The following KCNMA1 variants were observed in gnomAD, a reference collection of about 807,000 sequenced individuals.
KCNMA1 encodes Calcium-activated potassium channel subunit alpha-1.
A neutral mutation model predicts 140.0 loss-of-function variants in KCNMA1; 29 were observed. That is an observed-to-expected ratio of 0.21 (90% CI 0.15 to 0.28). The LOEUF is 0.28. Among genes scored for constraint, KCNMA1 ranks in the 10% least tolerant of loss-of-function variants. The pLI, the probability that KCNMA1 is intolerant of heterozygous loss-of-function variation, is 1.00. For synonymous variants in KCNMA1, 612 were observed against 611.9 expected (o/e 1.00, Z 0.00); for missense variants, 880 against 1,602.2 (o/e 0.55, Z 7.70).
At chr10:77,431,865 C>T (rs1052139575) in intron 1 of KCNMA1, among the ~76,000 whole-genome samples, 1 of 152,014 alleles carries the variant, frequency 6.6e-6, no homozygotes, top group Non-Finnish European at 1.5e-5. Context: ...TGGTGGTGCA[C>T]ACCTGTAGTC....
intron 2 of KCNMA1, among the ~76,000 whole-genome samples, chr10:77,299,085 G>C (rs1262225488): frequency 6.6e-6 from 1 of 152,142 alleles, no homozygotes; most frequent in Non-Finnish European, 1.5e-5. Flanking sequence ...GTGAGCTAGG[G>C]GGCTTTCTTA....
chr10:77,535,159 C>A (rs2058609385), intron 1 of KCNMA1, among the ~76,000 whole-genome samples: 1 of 152,246 alleles, frequency 6.6e-6, no homozygotes, highest in Non-Finnish European at 1.5e-5. Context: ...AACCACACAT[C>A]AGTTACTAAG....
chr10:77,599,383 A>T (rs1486589381), intron 1 of KCNMA1, among the ~76,000 whole-genome samples: 2 of 152,200 alleles, frequency 1.3e-5, no homozygotes, highest in Non-Finnish European at 2.9e-5. Context: ...CTCCAGCCAG[A>T]TGATGGCTGC....
chr10:77,624,166 T>C (rs572584447), intron 1 of KCNMA1, among the ~76,000 whole-genome samples: 1 of 152,338 alleles, frequency 6.6e-6, no homozygotes, highest in Admixed American at 6.5e-5. Context: ...GGCTGCGTTT[T>C]GGGGCAAGTT....
At chr10:77,279,959 GTTA>G in intron 2 of KCNMA1, among the ~76,000 whole-genome samples, 1 of 152,148 alleles carries the variant, frequency 6.6e-6, no homozygotes, top group Non-Finnish European at 1.5e-5. Flanking sequence ...CCCAGTCTCA[GTTA>G]TATCTTTATC....
chr10:76,946,891 T>C (rs976672420), intron 22 of KCNMA1, among the ~76,000 whole-genome samples: 2 of 152,212 alleles, frequency 1.3e-5, no homozygotes, highest in African/African-American at 2.4e-5. Flanking sequence ...CAGGGTACTG[T>C]TTAACCAATA....
chr10:77,039,895 T>TTC (rs1387761286), intron 14 of KCNMA1, among the ~76,000 whole-genome samples: 1 of 136,762 alleles, frequency 7.3e-6, no homozygotes, highest in Non-Finnish European at 1.6e-5. Context: ...TTTTTTTTTT[T>TTC]TTTTTTTTTT....
At chr10:76,939,110 CTTTTTTTTTTTTTT>C (rs71028244) in intron 23 of KCNMA1, 2 of 66,702 alleles carry the variant, frequency 3.0e-5, no homozygotes, top group Non-Finnish European at 5.5e-5. Flanking sequence ...GCCACCTCTT[CTTTTTTTTTTTTTT>C]TTTTTTTTTT....
chr10:77,559,436 C>T (rs907631789), intron 1 of KCNMA1, among the ~76,000 whole-genome samples: 1 of 152,142 alleles, frequency 6.6e-6, no homozygotes, highest in African/African-American at 2.4e-5. Flanking sequence ...TTTGAATATC[C>T]TCCCCACACG....
At chr10:77,017,664 G>A (rs542395523) in intron 17 of KCNMA1, among the ~76,000 whole-genome samples, 4 of 152,326 alleles carry the variant, frequency 2.6e-5, no homozygotes, top group African/African-American at 9.6e-5. Flanking sequence ...TGGGGAGGAA[G>A]AGGACCCTAA....
chr10:77,455,713 C>T (rs2097752339), intron 1 of KCNMA1, among the ~76,000 whole-genome samples: 1 of 152,154 alleles, frequency 6.6e-6, no homozygotes, highest in Non-Finnish European at 1.5e-5. Flanking sequence ...AAACCTGACT[C>T]ACACAGAAGG....
chr10:77,303,652 C>T (rs1181992997), intron 2 of KCNMA1, among the ~76,000 whole-genome samples: 2 of 152,174 alleles, frequency 1.3e-5, no homozygotes, highest in Non-Finnish European at 2.9e-5. Context: ...CCCTCCCATG[C>T]TGTGCTCTGA....
chr10:77,371,857 T>A (rs1002411652), intron 2 of KCNMA1, among the ~76,000 whole-genome samples: 1 of 152,204 alleles, frequency 6.6e-6, no homozygotes, highest in African/African-American at 2.4e-5. Context: ...AATGTCCTCC[T>A]TGCTCTTTTA....
chr10:77,084,669 G>T lies in KCNMA1; in HGVS notation c.1491C>A (p.Asp497Glu). The stretch of plus-strand genomic sequence containing the variant: ...TATTCGAGGCATCCTCCGCATCCGG[G>T]TCAGCGCAGTACTTGTTGGCAAGGA... ...CLILANKYCA[D>E]PDAEDASNIM... Residue 497 changes from aspartate to glutamate, a missense_variant, in exon 12 of 28, where the codon GAC becomes GAA. By Grantham distance (45) the Asp-to-Glu change is conservative (BLOSUM62 2). Coordinates refer to ENST00000286628, the MANE Select transcript of KCNMA1 (RefSeq NM_001161352.2). 1 of 1,614,168 alleles carries T rather than the reference G, an allele frequency of 6.2e-7. No individual in the cohort carries two copies. Among genetic ancestry groups the T allele is most frequent in the Non-Finnish European group, 8.5e-7 (1 of 1,180,022 alleles).
At chr10:76,926,889 G>A (rs1296204024) in intron 23 of KCNMA1, among the ~76,000 whole-genome samples, 1 of 152,028 alleles carries the variant, frequency 6.6e-6, no homozygotes, top group Non-Finnish European at 1.5e-5. Flanking sequence ...ACAACTCCAG[G>A]TACACATCAT....
chr10:77,219,616 C>CGTTTT (rs992539580), intron 3 of KCNMA1, among the ~76,000 whole-genome samples: 3 of 152,076 alleles, frequency 2.0e-5, no homozygotes, highest in African/African-American at 7.2e-5. Flanking sequence ...TGTTGTTGTT[C>CGTTTT]GTTTTGTTTT....
intron 25 of KCNMA1, 56 bp downstream of exon 25, chr10:76,909,910 G>T: frequency 6.3e-7 from 1 of 1,590,356 alleles, no homozygotes. Context: ...GGTTGGAGGT[G>T]CTCTATTGGC....
chr10:77,542,494 T>A lies in KCNMA1; in HGVS notation c.378+94771A>T, dbSNP rs1000551139. ...AGACTTGGCTGATTGTTAGAACGCCTTGGAAGTTTTATAAAAATATAAATT... is the reference window on the plus strand; with the variant it reads ...AGACTTGGCTGATTGTTAGAACGCCATGGAAGTTTTATAAAAATATAAATT... On this transcript the variant is annotated intron_variant, in intron 1 of 27. Transcript: ENST00000286628. Among the ~76,000 whole-genome samples the A allele has an allele frequency of 2.3e-4, 35 of 152,190 alleles. 1 individual carries two copies. The highest frequency in any genetic ancestry group is 8.8e-5 in the Non-Finnish European group (6 of 68,030).
intron 10 of KCNMA1, 62 bp downstream of exon 10, chr10:77,090,338 A>G (rs769443799): frequency 9.2e-7 from 1 of 1,092,336 alleles, no homozygotes; most frequent in Non-Finnish European, 1.4e-6. Flanking sequence ...ACAGACATTC[A>G]GGGAGTCCCT....
Sources: allele counts gnomAD v4.1 joint callset (sites outside exome capture counted in the v4.1 genomes callset), GRCh38; gene constraint gnomAD v4.1.1; transcripts MANE v1.5; gene names NCBI Gene and HGNC (gene_info 2026-07-23, HGNC 2026-07-21).